The following SRPK1 variants were observed in gnomAD, a reference collection of about 807,000 sequenced individuals.
SRPK1 encodes the protein SRSF protein kinase 1, also known as SFRS protein kinase 1.
In SRPK1, 52 loss-of-function variants were observed where a neutral mutation model predicts 89.5. The observed-to-expected ratio is 0.58, with a 90% CI of 0.46 to 0.73. The LOEUF (loss-of-function observed/expected upper bound fraction) is 0.73. SRPK1 is among the 30% of genes least tolerant of loss of function. The pLI is 0.00. For missense variants in SRPK1, 603 were observed against 780.6 expected (o/e 0.77, Z 2.71); for synonymous variants, 255 against 270.2 (o/e 0.94, Z 0.55).
intron 6 of SRPK1, among the ~76,000 whole-genome samples, chr6:35,875,619 T>A (rs894580064): frequency 3.9e-5 from 6 of 152,180 alleles, no homozygotes; most frequent in Admixed American, 1.3e-4. Context: ...GAGAAACATC[T>A]TCTTTAGAGA....
At chr6:35,903,711 C>T (rs1040420088) in intron 2 of SRPK1, among the ~76,000 whole-genome samples, 3 of 152,128 alleles carry the variant, frequency 2.0e-5, no homozygotes, top group Admixed American at 6.5e-5. Context: ...ACAATTGTTA[C>T]GTGGTAGTTA....
chr6:35,869,766 T>C lies in SRPK1; in HGVS notation c.1127A>G (p.His376Arg). The part of the protein sequence containing the change: ...TQNSNNETLR[H>R]KEDLHNANDC... Reference sequence around the variant, plus strand: ...ATTAGCATTATGTAGATCCTCTTTATGTCTCAATGTTTCATTATTACTGTT... The same window carrying C: ...ATTAGCATTATGTAGATCCTCTTTACGTCTCAATGTTTCATTATTACTGTT... The change falls in exon 11 of 16, where the codon CAT (histidine) becomes CGT (arginine). Residue 376 changes from histidine to arginine, a missense_variant. His to Arg is a conservative substitution (Grantham distance 29). Transcript: ENST00000373825. 1.9e-6 allele frequency: 3 copies of C among 1,613,992 alleles called. No homozygotes were observed. The highest frequency in any genetic ancestry group is 8.5e-7 in the Non-Finnish European group (1 of 1,179,856).
At chr6:35,871,719 AT>A (rs1475727008) in intron 8 of SRPK1, among the ~76,000 whole-genome samples, 1 of 152,208 alleles carries the variant, frequency 6.6e-6, no homozygotes, top group Non-Finnish European at 1.5e-5. Flanking sequence ...AAGAAAAAAA[AT>A]CATAAAGCAG....
chr6:35,873,810 A>G lies in SRPK1; in HGVS notation c.585+423T>C, dbSNP rs562183031. Among the ~76,000 whole-genome samples, 4 of 147,688 alleles carry G rather than the reference A, an allele frequency of 2.7e-5. No homozygotes were observed. In the South Asian group the frequency reaches 8.6e-4, roughly 32 times the overall value. On this transcript the variant is annotated intron_variant, in intron 7 of 15. Transcript: ENST00000373825. ...CAGCCAATAACTTACTTTTTAAAACAAAGAATTTTAAAACAAAAATTCTTT... is the reference window on the plus strand; with the variant it reads ...CAGCCAATAACTTACTTTTTAAAACGAAGAATTTTAAAACAAAAATTCTTT...
chr6:35,884,668 G>A (rs984936676), intron 6 of SRPK1, among the ~76,000 whole-genome samples: 6 of 152,152 alleles, frequency 3.9e-5, no homozygotes, highest in African/African-American at 1.4e-4. Flanking sequence ...GGGAATCAAT[G>A]GACAGAAGCT....
At position 35,913,489 on chromosome 6, in the gene SRPK1, G is replaced by A. The variant is rs1227711986; in HGVS notation, c.74+6979C>T. ...CACCTGGGCAACAGAACAAGACCCCGTCTCAAAAAAAAGTAAAAAGCAAAG... is the reference window on the plus strand; with the variant it reads ...CACCTGGGCAACAGAACAAGACCCCATCTCAAAAAAAAGTAAAAAGCAAAG... On this transcript the variant is annotated intron_variant, in intron 2 of 15. Transcript: ENST00000373825. 4.0e-5 allele frequency among the ~76,000 whole-genome samples: 6 copies of A among 151,446 alleles called. No individual in the cohort carries two copies. In the South Asian group the frequency reaches 6.3e-4, roughly 16 times the overall value.
In SRPK1 at chr6:35,857,258, T is replaced by C. The variant is rs1318692640; in HGVS notation, c.1620+3A>G. On this transcript the variant is annotated splice_donor_region_variant and intron_variant, in intron 13 of 15. Transcript: ENST00000373825. ...AGTGAAAGCCAAGGGGAAAAAACAT[T>C]ACCATGCATGCCGTGCTCCAAATGT... 2 of 1,607,374 alleles carry C rather than the reference T, an allele frequency of 1.2e-6. No individual in the cohort carries two copies. The highest frequency in any genetic ancestry group is 8.5e-7 in the Non-Finnish European group (1 of 1,175,722).
At chr6:35,904,693 G>C (rs1189843584) in intron 2 of SRPK1, among the ~76,000 whole-genome samples, 1 of 151,946 alleles carries the variant, frequency 6.6e-6, no homozygotes, top group African/African-American at 2.4e-5. Flanking sequence ...CAGCTACTCG[G>C]GAGGCTAAGG....
At chr6:35,853,602 C>T (rs1237192453) in intron 13 of SRPK1, among the ~76,000 whole-genome samples, 2 of 152,140 alleles carry the variant, frequency 1.3e-5, no homozygotes, top group Non-Finnish European at 2.9e-5. Context: ...TGCACTTCAC[C>T]CCATGTCCTA....
chr6:35,875,418 A>T lies in SRPK1; in HGVS notation c.479-1079T>A, dbSNP rs191118412. Among the ~76,000 whole-genome samples, 284 of 152,182 alleles carry T rather than the reference A, an allele frequency of 1.9e-3. 1 individual carries two copies. Among genetic ancestry groups the T allele is most frequent in the Middle Eastern group, 6.8e-3 (2 of 294 alleles). On this transcript the variant is annotated intron_variant, in intron 6 of 15. Coordinates refer to ENST00000373825, the MANE Select transcript of SRPK1 (RefSeq NM_003137.5). ...TTTAGTACAGATGGGGTTTCACCAT[A>T]TTGGCCAGGCTGGTCTTGAACTCCT... is the stretch of plus-strand genomic sequence containing the variant.
At chr6:35,863,119 C>T (rs1238335967) in intron 12 of SRPK1, among the ~76,000 whole-genome samples, 1 of 151,384 alleles carries the variant, frequency 6.6e-6, no homozygotes, top group Non-Finnish European at 1.5e-5. Context: ...CCACTGCATT[C>T]CAGCCTGGGT....
intron 2 of SRPK1, among the ~76,000 whole-genome samples, chr6:35,892,690 GACA>G (rs1300213033): frequency 5.0e-5 from 6 of 120,278 alleles, no homozygotes; most frequent in African/African-American, 1.6e-4. Flanking sequence ...CAACAACAAC[GACA>G]ACAACACAAA....
At chr6:35,892,533 T>A (rs980428157) in intron 2 of SRPK1, among the ~76,000 whole-genome samples, 1 of 152,038 alleles carries the variant, frequency 6.6e-6, no homozygotes, top group Admixed American at 6.6e-5. Flanking sequence ...GCACCTGTAA[T>A]CCCAGCTACT....
At position 35,915,971 on chromosome 6, in the gene SRPK1, C is replaced by CAAAAAAA. The variant is rs35912769; in HGVS notation, c.74+4496_74+4497insTTTTTTT. 4.6e-4 allele frequency among the ~76,000 whole-genome samples: 24 copies of CAAAAAAA among 51,730 alleles called. 6 individuals carry two copies. The highest frequency in any genetic ancestry group is 2.1e-3 in the African/African-American group (16 of 7,660). 33.9% of individuals were successfully genotyped at this position (51,730 alleles called of 152,430 possible). A position where few individuals can be genotyped will look rare whatever the true frequency, so the allele number is the denominator to read the frequency against. The stretch of plus-strand genomic sequence containing the variant: ...TGGGCGACAGAACGAGACTCTGTCT[C>CAAAAAAA]AAAAACAAAAAAAAAAAAAAATATA... On this transcript the variant is annotated intron_variant, in intron 2 of 15. Transcript: ENST00000373825.
intron 13 of SRPK1, among the ~76,000 whole-genome samples, chr6:35,844,091 G>A (rs957869790): frequency 9.2e-4 from 132 of 142,736 alleles, no homozygotes; most frequent in Non-Finnish European, 7.0e-4. Context: ...TGCAAGCTCC[G>A]CCTCCCAGGT....
intron 13 of SRPK1, among the ~76,000 whole-genome samples, chr6:35,852,378 ACT>A (rs756285850): frequency 6.6e-5 from 10 of 152,144 alleles, no homozygotes; most frequent in Non-Finnish European, 1.5e-4. Context: ...ATGAGATTAT[ACT>A]CTGTTTTTTT....
chr6:35,853,013 G>C (rs1769587245), intron 13 of SRPK1, among the ~76,000 whole-genome samples: 2 of 152,190 alleles, frequency 1.3e-5, no homozygotes, highest in Admixed American at 1.3e-4. Context: ...GCTGAGGTAG[G>C]ATGATCGTTT....
chr6:35,871,701 T>C lies in SRPK1; in HGVS notation c.752-742A>G, dbSNP rs376282028. Reference sequence around the variant, plus strand: ...GACACACTACTAAAACTAAAATCTGTATCTCAAAAGAAAAAAAATCATAAA... The same window carrying C: ...GACACACTACTAAAACTAAAATCTGCATCTCAAAAGAAAAAAAATCATAAA... On this transcript the variant is annotated intron_variant, in intron 8 of 15. Coordinates refer to ENST00000373825, the MANE Select transcript of SRPK1 (RefSeq NM_003137.5). 1.6e-3 allele frequency among the ~76,000 whole-genome samples: 241 copies of C among 152,300 alleles called. 2 individuals are homozygous for C. The South Asian group carries it at 0.023, about 15-fold the overall frequency.
rs189418476 is a variant in SRPK1 at position 35,833,381 on chromosome 6, T to G, written c.*1923A>C. The stretch of plus-strand genomic sequence containing the variant: ...TCAACTGTTAAAATAGGGCCTTTTG[T>G]GTTTTGTTATTTCACCTTAATATCA... On this transcript the variant is annotated 3_prime_UTR_variant, in exon 16 of 16. Coordinates refer to ENST00000373825, the MANE Select transcript of SRPK1 (RefSeq NM_003137.5). 6.6e-6 allele frequency: 1 copy of G among 152,512 alleles called. No individual in the cohort carries two copies. Among genetic ancestry groups the G allele is most frequent in the East Asian group, 1.9e-4 (1 of 5,186 alleles). The allele number at this position is 152,512 out of a possible 1,614,324, so 9.4% of individuals were successfully genotyped here.
Sources: allele counts gnomAD v4.1 joint callset (sites outside exome capture counted in the v4.1 genomes callset), GRCh38; gene constraint gnomAD v4.1.1; transcripts MANE v1.5; gene names NCBI Gene and HGNC (gene_info 2026-07-23, HGNC 2026-07-21).